The following CPLX2 variants were observed in gnomAD, a reference collection of about 807,000 sequenced individuals.
The protein encoded by CPLX2 is complexin-2.
In CPLX2, 5 loss-of-function variants were observed where a neutral mutation model predicts 16.3. The ratio of observed to expected loss-of-function variants is 0.31; its 90% CI spans 0.16 to 0.64. The LOEUF (loss-of-function observed/expected upper bound fraction) is 0.64. Ranked by LOEUF, CPLX2 falls within the 30% of genes least tolerant of loss-of-function variation. The probability of loss-of-function intolerance (pLI) is 0.79; values close to 1 mark genes in which losing one functional copy is unlikely to be tolerated. For synonymous variants in CPLX2, 89 were observed against 73.2 expected, an observed-to-expected ratio of 1.22 and a Z score of -1.10; for missense variants, 144 against 181.4, an observed-to-expected ratio of 0.79 and a Z score of 1.18.
intron 2 of CPLX2, among the ~76,000 whole-genome samples, chr5:175,817,100 G>A (rs984053445): frequency 6.6e-6 from 1 of 152,222 alleles, no homozygotes; most frequent in African/African-American, 2.4e-5. Context: ...CCGATAGCAA[G>A]TCAGTGGGCC....
At chr5:175,834,101 G>C (rs1384474308) in intron 2 of CPLX2, among the ~76,000 whole-genome samples, 1 of 152,144 alleles carries the variant, frequency 6.6e-6, no homozygotes, top group Non-Finnish European at 1.5e-5. Flanking sequence ...GGGAATCCCT[G>C]GATTTGAAGT....
intron 3 of CPLX2, 26 bp from the exon 4 acceptor site, chr5:175,879,822 C>T (rs377654643): frequency 6.9e-6 from 11 of 1,594,078 alleles, no homozygotes; most frequent in African/African-American, 4.0e-5. Context: ...CCGCTTCATG[C>T]GCGTCTCTGC....
chr5:175,877,443 A>G (rs1403703159), intron 1 of CPLX2, among the ~76,000 whole-genome samples: 3 of 152,062 alleles, frequency 2.0e-5, no homozygotes, highest in African/African-American at 7.2e-5. Flanking sequence ...CTTGAACCCA[A>G]CAAGGTTGCA....
rs369487034 is a variant in CPLX2, at chr5:175,827,522, G to A, written c.-89+18454G>A. 2.7e-3 allele frequency among the ~76,000 whole-genome samples: 417 copies of A among 152,206 alleles called. 4 individuals are homozygous for A. Among genetic ancestry groups the A allele is most frequent in the African/African-American group, 9.6e-3 (399 of 41,510 alleles). The stretch of plus-strand genomic sequence containing the variant: ...GTAATCCCAGCACTGTGGGAGGCCG[G>A]GGTGGTTGGATCACCTGAGGTCAGG... On this transcript the variant is annotated intron_variant, in intron 2 of 4. Coordinates refer to the CPLX2 transcript ENST00000359546.
At chr5:175,857,952 C>T (rs977992773) in intron 2 of CPLX2, among the ~76,000 whole-genome samples, 9 of 152,224 alleles carry the variant, frequency 5.9e-5, no homozygotes, top group Admixed American at 4.6e-4. Flanking sequence ...CTGCTGGTAG[C>T]TGTGTGCCTC....
At chr5:175,853,336 G>A (rs1355274701) in intron 2 of CPLX2, among the ~76,000 whole-genome samples, 1 of 152,168 alleles carries the variant, frequency 6.6e-6, no homozygotes, top group Admixed American at 6.5e-5. Flanking sequence ...AGCCTCACAC[G>A]GTGCCCCTGG....
intron 1 of CPLX2, among the ~76,000 whole-genome samples, chr5:175,804,956 A>C (rs1456027571): frequency 6.6e-6 from 1 of 152,208 alleles, no homozygotes; most frequent in Non-Finnish European, 1.5e-5. Flanking sequence ...TTCTATACTT[A>C]ACTGTATGAG....
intron 2 of CPLX2, among the ~76,000 whole-genome samples, chr5:175,853,609 G>A (rs932816197): frequency 6.6e-6 from 1 of 152,192 alleles, no homozygotes; most frequent in Admixed American, 6.5e-5. Flanking sequence ...GTCTCTCGGA[G>A]GTAAAATTAT....
At chr5:175,835,929 G>T (rs1758824353) in intron 2 of CPLX2, among the ~76,000 whole-genome samples, 1 of 151,490 alleles carries the variant, frequency 6.6e-6, no homozygotes, top group African/African-American at 2.4e-5. Context: ...AGTAGAGATG[G>T]GGTTTCCCCA....
chr5:175,859,518 G>A (rs1759323169), intron 2 of CPLX2, among the ~76,000 whole-genome samples: 1 of 152,220 alleles, frequency 6.6e-6, no homozygotes, highest in South Asian at 2.1e-4. Context: ...TGCTCTTGCA[G>A]GCAAATGTTC....
chr5:175,816,456 G>A (rs970239138), intron 2 of CPLX2, among the ~76,000 whole-genome samples: 7 of 152,296 alleles, frequency 4.6e-5, no homozygotes, highest in South Asian at 2.1e-4. Flanking sequence ...TTGAGCCACC[G>A]CACCCAGCCA....
intron 1 of CPLX2, among the ~76,000 whole-genome samples, chr5:175,807,691 CTCATCAT>C (rs750778269): frequency 4.6e-5 from 4 of 87,050 alleles, no homozygotes; most frequent in East Asian, 9.4e-4. Context: ...CACCCACTTA[CTCATCAT>C]TCATTCATTC....
At chr5:175,873,745 G>C (rs531869744) in intron 1 of CPLX2, among the ~76,000 whole-genome samples, 1 of 152,288 alleles carries the variant, frequency 6.6e-6, no homozygotes, top group African/African-American at 2.4e-5. Context: ...CCAACACTGG[G>C]CTGAGCACTT....
chr5:175,837,480 C>G (rs962031517), intron 2 of CPLX2: 1 of 152,238 alleles, frequency 6.6e-6, no homozygotes, highest in Non-Finnish European at 1.5e-5. Context: ...CCTCCCCAGG[C>G]CCCAGAGAGA....
chr5:175,879,636 T>TA, intron 3 of CPLX2: 1 of 688,054 alleles, frequency 1.5e-6, no homozygotes, highest in Middle Eastern at 2.6e-4. Context: ...GGGCAGGTGT[T>TA]AATTTTAAAG....
chr5:175,821,552 C>G (rs1758509925), intron 2 of CPLX2, among the ~76,000 whole-genome samples: 1 of 152,114 alleles, frequency 6.6e-6, no homozygotes. Flanking sequence ...GGATTACAGG[C>G]ACCTGTCACC....
chr5:175,841,117 GAC>G (rs1332747456), intron 2 of CPLX2, among the ~76,000 whole-genome samples: 1 of 152,200 alleles, frequency 6.6e-6, no homozygotes, highest in African/African-American at 2.4e-5. Flanking sequence ...TTCAATCCAA[GAC>G]ACAGAGACCT....
rs554023716 is a variant in CPLX2 at position 175,847,866 on chromosome 5, T to TC, written c.-88-30780dup. 2.6e-5 allele frequency among the ~76,000 whole-genome samples: 4 copies of TC among 152,226 alleles called. No individual in the cohort carries two copies. The East Asian group carries it at 7.7e-4, about 29-fold the overall frequency. On this transcript the variant is annotated intron_variant, in intron 2 of 4. Transcript: ENST00000359546. ...CTCCTCCAATCCACATGTCTGTCAGTCCCCCCGTGAGGTTCAAGCTTTCTC... is the reference window on the plus strand; with the variant it reads ...CTCCTCCAATCCACATGTCTGTCAGTCCCCCCCGTGAGGTTCAAGCTTTCTC...
chr5:175,819,211 C>G (rs1319506642), intron 2 of CPLX2, among the ~76,000 whole-genome samples: 1 of 152,074 alleles, frequency 6.6e-6, no homozygotes, highest in Non-Finnish European at 1.5e-5. Flanking sequence ...AAGATTCTTG[C>G]ACGTGTCTTT....
Sources: allele counts gnomAD v4.1 joint callset (sites outside exome capture counted in the v4.1 genomes callset), GRCh38; gene constraint gnomAD v4.1.1; transcripts MANE v1.5; gene names NCBI Gene and HGNC (gene_info 2026-07-23, HGNC 2026-07-21).